The following PCDHGA2 variants were observed in gnomAD, a reference collection of about 807,000 sequenced individuals.
PCDHGA2 encodes protocadherin gamma-A2.
A neutral mutation model predicts 59.2 loss-of-function variants in PCDHGA2; 40 were observed. The ratio of observed to expected loss-of-function variants is 0.68; its 90% confidence interval spans 0.52 to 0.88. The LOEUF is 0.88. Among genes scored for constraint, PCDHGA2 ranks in the 40% least tolerant of loss-of-function variants. PCDHGA2 has a pLI of 0.00. For missense variants in PCDHGA2, 1,226 were observed against 1,204.0 expected (o/e 1.02, Z -0.27); for synonymous variants, 560 against 526.0 (o/e 1.06, Z -0.89).
intron 1 of PCDHGA2, chr5:141,361,324 T>G (rs767058928): frequency 6.2e-7 from 1 of 1,613,936 alleles, no homozygotes. Context: ...TTTGAAATCT[T>G]CCTCAAAGAA....
chr5:141,374,388 G>A (rs779801370), intron 1 of PCDHGA2: 1 of 1,614,044 alleles, frequency 6.2e-7, no homozygotes, highest in South Asian at 1.1e-5. Context: ...AGCCCGCGGT[G>A]TCTGGTGAGT....
intron 1 of PCDHGA2, among the ~76,000 whole-genome samples, chr5:141,439,221 T>G (rs145700274): frequency 1.2e-3 from 182 of 151,852 alleles, no homozygotes; most frequent in African/African-American, 4.3e-3. Flanking sequence ...ATGTGAAAAT[T>G]CTTAGAAGCT....
At chr5:141,371,773 A>G (rs148367405) in intron 1 of PCDHGA2, 2 of 1,614,020 alleles carry the variant, frequency 1.2e-6, no homozygotes, top group African/African-American at 1.3e-5. Flanking sequence ...TACACCGTGC[A>G]TGTAGCTGAG....
In PCDHGA2 at chr5:141,347,137, C is replaced by CTTTCTTTCTT. The variant is rs1554073405; in HGVS notation, c.2424+5743_2424+5744insTTCTTTCTTT. ...CTCCTTCCTTCCTTCCTCTGTTTCT[C>CTTTCTTTCTT]TCTTTCTTTCTTTCTTTCTTTCTTT... On this transcript the variant is annotated intron_variant, in intron 1 of 3. Coordinates refer to ENST00000394576, the MANE Select transcript of PCDHGA2 (RefSeq NM_018915.4). Among the ~76,000 whole-genome samples, 16 of 113,834 alleles carry CTTTCTTTCTT rather than the reference C, an allele frequency of 1.4e-4. No individual in the cohort carries two copies. The South Asian group carries it at 5.0e-3, about 36-fold the overall frequency. The allele number at this position is 113,834 out of a possible 152,430, so 74.7% of individuals were successfully genotyped here.
At chr5:141,357,089 G>C (rs762398968) in intron 1 of PCDHGA2, 32 of 1,613,878 alleles carry the variant, frequency 2.0e-5, no homozygotes, top group Non-Finnish European at 2.6e-5. Flanking sequence ...CGCACCGCAC[G>C]GGCCCTGCTG....
In PCDHGA2 at chr5:141,423,740, GA is replaced by G. The variant is rs778655137; in HGVS notation, c.2425-71063del. 7 of 698,952 alleles carry G rather than the reference GA, an allele frequency of 1.0e-5. No individual in the cohort carries two copies. The African/African-American group carries it at 1.9e-4, about 19-fold the overall frequency. The allele number at this position is 698,952 out of a possible 1,614,324, so 43.3% of individuals were successfully genotyped here. ...AGGAGATGTTTTTTGAGCCTGTTAT[GA>G]AAACTGTTTGGGGGGGGGGTGGGGC... On this transcript the variant is annotated intron_variant, in intron 1 of 3. Coordinates refer to ENST00000394576, the MANE Select transcript of PCDHGA2 (RefSeq NM_018915.4).
intron 1 of PCDHGA2, chr5:141,419,325 A>G (rs1490162008): frequency 6.2e-7 from 1 of 1,613,586 alleles, no homozygotes; most frequent in Non-Finnish European, 8.5e-7. Flanking sequence ...CGTGTCTCCT[A>G]CTCTCTCATT....
chr5:141,431,354 G>C lies in PCDHGA2; in HGVS notation c.2425-63453G>C. 6.2e-7 allele frequency: 1 copy of C among 1,614,036 alleles called. No individual in the cohort carries two copies. Among genetic ancestry groups the C allele is most frequent in the Non-Finnish European group, 8.5e-7 (1 of 1,180,038 alleles). ...GTACCCCGAATTGGTGCTGAAACGC[G>C]CCCTGGACCGCGAAGAAAAGGCTGC... On this transcript the variant is annotated intron_variant, in intron 1 of 3. Transcript: ENST00000394576. This position sits in a 1 kb window ranked among gnomAD's most constrained non-coding sequence, Gnocchi z 4.8.
intron 1 of PCDHGA2, chr5:141,342,324 C>A (rs1757148611): frequency 1.3e-5 from 2 of 152,142 alleles, no homozygotes; most frequent in Non-Finnish European, 1.5e-5. Flanking sequence ...ATCCCAGTGC[C>A]CCTCTGATCA....
At chr5:141,369,226 G>A (rs1028209484) in intron 1 of PCDHGA2, among the ~76,000 whole-genome samples, 2 of 152,058 alleles carry the variant, frequency 1.3e-5, no homozygotes, top group African/African-American at 4.8e-5. Context: ...AAAGTGGACA[G>A]GAAGATTACT....
chr5:141,375,164 C>A (rs374150026), intron 1 of PCDHGA2: 3 of 1,613,840 alleles, frequency 1.9e-6, no homozygotes, highest in African/African-American at 1.3e-5. Flanking sequence ...TGAAAGTGCA[C>A]CTCCAGGAAC....
chr5:141,353,677 G>A (rs1285635415), intron 1 of PCDHGA2, among the ~76,000 whole-genome samples: 1 of 152,112 alleles, frequency 6.6e-6, no homozygotes, highest in African/African-American at 2.4e-5. Flanking sequence ...GAACATTTGG[G>A]TTTATAAAGC....
intron 1 of PCDHGA2, among the ~76,000 whole-genome samples, chr5:141,348,150 C>T (rs1758074926): frequency 6.6e-6 from 1 of 152,096 alleles, no homozygotes; most frequent in Admixed American, 6.5e-5. Context: ...TGAGAGTTAT[C>T]CAAAATTAGA....
chr5:141,357,179 T>A, intron 1 of PCDHGA2: 1 of 1,613,702 alleles, frequency 6.2e-7, no homozygotes, highest in Non-Finnish European at 8.5e-7. Flanking sequence ...ACCGTCACAC[T>A]CACTGTGGCT....
At chr5:141,345,827 G>A (rs779769007) in intron 1 of PCDHGA2, 1 of 1,613,472 alleles carries the variant, frequency 6.2e-7, no homozygotes, top group African/African-American at 1.3e-5. Context: ...ACAGAGACTC[G>A]GGCCAGAACG....
intron 1 of PCDHGA2, chr5:141,346,530 T>A: frequency 6.4e-7 from 1 of 1,573,352 alleles, no homozygotes; most frequent in Non-Finnish European, 8.6e-7. Context: ...TTAACACATA[T>A]GTATTTGAGA....
intron 1 of PCDHGA2, chr5:141,361,978 G>A (rs768035104): frequency 6.9e-6 from 11 of 1,600,872 alleles, no homozygotes; most frequent in African/African-American, 6.7e-5. Context: ...CAGCGAGCCC[G>A]GGCTCTTCAG....
chr5:141,342,528 G>GATTT (rs1757174626), intron 1 of PCDHGA2: 1 of 152,008 alleles, frequency 6.6e-6, no homozygotes, highest in African/African-American at 2.4e-5. Flanking sequence ...GATTCTTTCC[G>GATTT]TTGCATTTGA....
Position 141,388,955 on chromosome 5 carries a change from C to T in PCDHGA2, c.2424+47560C>T, listed in dbSNP as rs183330174. ...CTCTACCCAACCTAATTATGGAGGA[C>T]GCCGAGCTGGGAACACATATTGCTT... On this transcript the variant is annotated intron_variant, in intron 1 of 3. Transcript: ENST00000394576. 126 of 1,613,914 alleles carry T rather than the reference C, an allele frequency of 7.8e-5. 1 individual carries two copies. In the African/African-American group the frequency reaches 1.3e-3, roughly 17 times the overall value.
Sources: allele counts gnomAD v4.1 joint callset (sites outside exome capture counted in the v4.1 genomes callset), GRCh38; gene constraint gnomAD v4.1.1; non-coding constraint Gnocchi (gnomAD v3.1); transcripts MANE v1.5; gene names NCBI Gene and HGNC (gene_info 2026-07-23, HGNC 2026-07-21).